The following AIDA variants were observed in gnomAD, a reference collection of about 807,000 sequenced individuals.
AIDA encodes the protein axin interactor, dorsalization associated.
In AIDA, 18 loss-of-function variants were observed where a neutral mutation model predicts 42.7. The ratio of observed to expected loss-of-function variants is 0.42; its 90% CI spans 0.29 to 0.63. The LOEUF is 0.63. Among genes scored for constraint, AIDA ranks in the 20% least tolerant of loss-of-function variants. AIDA has a pLI of 0.19. For synonymous variants in AIDA, 104 were observed against 122.9 expected, an observed-to-expected ratio of 0.85 and a Z score of 1.02; for missense variants, 250 against 354.1, an observed-to-expected ratio of 0.71 and a Z score of 2.36.
At chr1:222,673,670 C>T (rs1278000255) in intron 7 of AIDA, among the ~76,000 whole-genome samples, 1 of 151,686 alleles carries the variant, frequency 6.6e-6, no homozygotes, top group Admixed American at 6.6e-5. Flanking sequence ...CCCAGCTACT[C>T]GGGAGGCTCA....
chr1:222,683,609 A>G (rs529468656), intron 6 of AIDA, among the ~76,000 whole-genome samples: 12 of 152,336 alleles, frequency 7.9e-5, no homozygotes, highest in African/African-American at 2.9e-4. Context: ...CATGTTACTT[A>G]GTAAGAAAAT....
intron 3 of AIDA, among the ~76,000 whole-genome samples, 155 bp from the exon 4 acceptor site, chr1:222,693,998 G>A (rs1041053702): frequency 6.6e-6 from 1 of 151,910 alleles, no homozygotes; most frequent in Non-Finnish European, 1.5e-5. Flanking sequence ...TTTATTTTTG[G>A]AACACTCAGG....
intron 1 of AIDA, among the ~76,000 whole-genome samples, chr1:222,706,901 T>G (rs573139378): frequency 6.6e-6 from 1 of 151,368 alleles, no homozygotes; most frequent in African/African-American, 2.4e-5. Flanking sequence ...TGATTCAAAT[T>G]TCGTGAAATG....
chr1:222,712,070 G>A, intron 1 of AIDA, 138 bp downstream of exon 1: 4 of 1,339,534 alleles, frequency 3.0e-6, no homozygotes, highest in Non-Finnish European at 4.1e-6. Flanking sequence ...GGTGGCGAGG[G>A]ATCTCAGCCC....
intron 2 of AIDA, among the ~76,000 whole-genome samples, chr1:222,698,782 T>C (rs1447371390): frequency 6.6e-6 from 1 of 152,014 alleles, no homozygotes; most frequent in Non-Finnish European, 1.5e-5. Context: ...CACTGTGCAC[T>C]AGACAGTAAC....
rs73124893 is a variant in AIDA at position 222,711,141 on chromosome 1, C to T, written c.110+1067G>A. Among the ~76,000 whole-genome samples the T allele has an allele frequency of 6.8e-3, 1,033 of 152,194 alleles. 12 individuals are homozygous for T. Among genetic ancestry groups the T allele is most frequent in the African/African-American group, 0.024 (981 of 41,506 alleles). On this transcript the variant is annotated intron_variant, in intron 1 of 9. Transcript: ENST00000340020. ...TATTCTACTCATACGTGGTTTCATA[C>T]TCAGTGAAATCTCAAACAATAACTT...
chr1:222,681,700 A>G (rs1664655901), intron 6 of AIDA, among the ~76,000 whole-genome samples: 1 of 152,290 alleles, frequency 6.6e-6, no homozygotes, highest in East Asian at 1.9e-4. Flanking sequence ...AAAACTGTAC[A>G]AGTGTCTAAC....
chr1:222,700,901 A>C (rs1427887739), intron 2 of AIDA, among the ~76,000 whole-genome samples: 2 of 151,744 alleles, frequency 1.3e-5, no homozygotes, highest in African/African-American at 2.4e-5. Context: ...AGTTGAAGAA[A>C]ATTAAGAAAA....
At chr1:222,681,520 C>T (rs1327420430) in intron 6 of AIDA, among the ~76,000 whole-genome samples, 1 of 151,960 alleles carries the variant, frequency 6.6e-6, no homozygotes, top group African/African-American at 2.4e-5. Flanking sequence ...AAAAATGAGC[C>T]GGTGTGGTAG....
rs914410423 is a variant in AIDA, at chr1:222,687,213, T to C, written c.354-177A>G. The stretch of plus-strand genomic sequence containing the variant: ...TGGAGGCCGAGGCGGGCAGACTGCC[T>C]GAGCTCAGGAGTTCGAGACCAGCCT... On this transcript the variant is annotated intron_variant, in intron 5 of 9. Coordinates refer to ENST00000340020, the MANE Select transcript of AIDA (RefSeq NM_022831.4). 5.0e-5 allele frequency: 26 copies of C among 518,680 alleles called. 1 individual carries two copies. The highest frequency in any genetic ancestry group is 6.4e-5 in the Non-Finnish European group (26 of 403,756). The allele number at this position is 518,680 out of a possible 1,614,324, so 32.1% of individuals were successfully genotyped here.
At chr1:222,681,854 C>A (rs11487815) in intron 6 of AIDA, among the ~76,000 whole-genome samples, 19,077 of 152,100 alleles carry the variant, frequency 0.13, 1,803 homozygotes, top group African/African-American at 0.27. Flanking sequence ...CAATCAGTAC[C>A]ACTCTCCCTC....
chr1:222,695,855 G>C (rs550215687), intron 2 of AIDA, among the ~76,000 whole-genome samples: 43 of 152,286 alleles, frequency 2.8e-4, no homozygotes, highest in African/African-American at 9.9e-4. Flanking sequence ...ACTTGCAAAA[G>C]TTTAGTAAAT....
In AIDA at chr1:222,693,822, ATTC is replaced by A. The variant is rs768924874; in HGVS notation, c.253_255del (p.Glu85del). 1.4e-5 allele frequency: 23 copies of A among 1,609,960 alleles called. 1 individual carries two copies. In the South Asian group the frequency reaches 2.3e-4, roughly 16 times the overall value. On this transcript the variant is annotated inframe_deletion, in exon 4 of 10. Transcript: ENST00000340020. ...AGCTTCTTCAGGTCCTCCAGTTTAA[ATTC>A]TTCTTGAGACTGTGTGGACTAAATT... is the stretch of plus-strand genomic sequence containing the variant.
In AIDA at chr1:222,672,511, C is replaced by T. The variant is rs369036385; in HGVS notation, c.706+802G>A. ...ACTGCTAGGCCCATCCCCATGGTTT[C>T]GGATTCAGGATGTCTGGGGTGGCCA... On this transcript the variant is annotated intron_variant, in intron 8 of 9. Transcript: ENST00000340020. Among the ~76,000 whole-genome samples the T allele has an allele frequency of 6.6e-4, 100 of 152,232 alleles. 2 individuals carry two copies. The highest frequency in any genetic ancestry group is 2.1e-3 in the African/African-American group (87 of 41,544).
At chr1:222,693,689 A>G in intron 4 of AIDA, 100 bp downstream of exon 4, 1 of 1,021,086 alleles carries the variant, frequency 9.8e-7, no homozygotes, top group Non-Finnish European at 1.5e-6. Flanking sequence ...AGATATTAAC[A>G]GAAATAAATC....
chr1:222,676,324 C>T (rs1018997304), intron 6 of AIDA, 106 bp from the exon 7 acceptor site: 33 of 1,310,656 alleles, frequency 2.5e-5, no homozygotes, highest in Non-Finnish European at 2.5e-5. Context: ...TAGTAACTAG[C>T]CAGGCATTAT....
chr1:222,687,259 G>A (rs147727872), intron 5 of AIDA, among the ~76,000 whole-genome samples: 8 of 152,016 alleles, frequency 5.3e-5, no homozygotes, highest in East Asian at 1.9e-4. Flanking sequence ...GTGAAATCCC[G>A]TCTCTACTAA....
Position 222,670,125 on chromosome 1 carries a change from T to A in AIDA, c.824+8A>T, listed in dbSNP as rs375857173. 3.7e-6 allele frequency: 6 copies of A among 1,612,860 alleles called. No individual in the cohort carries two copies. Among genetic ancestry groups the A allele is most frequent in the Non-Finnish European group, 5.1e-6 (6 of 1,179,036 alleles). On this transcript the variant is annotated splice_region_variant and intron_variant, in intron 9 of 9. Coordinates refer to ENST00000340020, the MANE Select transcript of AIDA (RefSeq NM_022831.4). Reference sequence around the variant, plus strand: ...AATTAGTACTAATTCTATATGCACATCACTTACAGTTCTATTACAATTGGC... The same window carrying A: ...AATTAGTACTAATTCTATATGCACAACACTTACAGTTCTATTACAATTGGC...
At chr1:222,700,440 C>T (rs1655658471) in intron 2 of AIDA, among the ~76,000 whole-genome samples, 2 of 152,174 alleles carry the variant, frequency 1.3e-5, no homozygotes, top group African/African-American at 4.8e-5. Flanking sequence ...GTCATGCTGC[C>T]TCCTGGTCCT....
Sources: gnomAD v4.1 joint callset for allele counts (sites outside exome capture counted in the v4.1 genomes callset) on GRCh38, gnomAD v4.1.1 for gene constraint, MANE v1.5 for transcripts, NCBI Gene and HGNC (gene_info 2026-07-23, HGNC 2026-07-21) for gene names.